ARHGEF40: variants seen among roughly 807,000 people sequenced by gnomAD.
ARHGEF40 encodes Rho guanine nucleotide exchange factor (GEF) 40.
A neutral mutation model predicts 165.9 loss-of-function variants in ARHGEF40; 98 were observed. The observed-to-expected ratio is 0.59, with a 90% confidence interval of 0.50 to 0.70. ARHGEF40 has a LOEUF of 0.70. Ranked by LOEUF, ARHGEF40 falls within the 30% of genes least tolerant of loss-of-function variation. ARHGEF40 has a pLI of 0.00. For missense variants in ARHGEF40, 1,815 were observed against 1,968.0 expected (o/e 0.92, Z 1.47); for synonymous variants, 792 against 814.3 (o/e 0.97, Z 0.47).
intron 17 of ARHGEF40, among the ~76,000 whole-genome samples, chr14:21,084,460 C>A (rs1201810473): frequency 6.6e-6 from 1 of 152,322 alleles, no homozygotes. Flanking sequence ...CCTTTCAGTT[C>A]TTTGCTGATT....
At position 21,090,162 on chromosome 14, in the gene ARHGEF40, G is replaced by A. The variant is rs750433784; in HGVS notation, c.*1154G>A. The A allele has an allele frequency of 2.0e-6, 1 of 503,248 alleles. No homozygotes were observed. The highest frequency in any genetic ancestry group is 3.9e-6 in the Non-Finnish European group (1 of 259,278). The allele number at this position is 503,248 out of a possible 1,614,324, so 31.2% of individuals were successfully genotyped here. On this transcript the variant is annotated 3_prime_UTR_variant, in exon 24 of 24. Coordinates refer to ENST00000298694, the MANE Select transcript of ARHGEF40 (RefSeq NM_018071.5). The surrounding 1 kb of genome is among the most constrained non-coding windows in gnomAD (Gnocchi z 4.4). Reference sequence around the variant, plus strand: ...CGTACCAAAAATAGCGACGTCTACAGGGCCCCTGATGGGGCTAGAAGGGTA... The same window carrying A: ...CGTACCAAAAATAGCGACGTCTACAAGGCCCCTGATGGGGCTAGAAGGGTA...
At chr14:21,086,662 T>A (rs1888358072) in intron 19 of ARHGEF40, 1 of 241,928 alleles carries the variant, frequency 4.1e-6, no homozygotes, top group African/African-American at 2.2e-5. Context: ...TTGTAAACTG[T>A]AAAGGTATGT....
At chr14:21,069,723 C>CG (rs917360043), upstream of ARHGEF40, among the ~76,000 whole-genome samples, 5 of 152,056 alleles carry the variant, frequency 3.3e-5, no homozygotes, top group South Asian at 6.2e-4. Context: ...GGCAAGCCCC[C>CG]GGGGGGTTGG....
At chr14:21,086,070 T>G in intron 19 of ARHGEF40, 4 of 658,404 alleles carry the variant, frequency 6.1e-6, no homozygotes, top group East Asian at 6.5e-5. Flanking sequence ...GCTGGCAAAT[T>G]TCCGGGAAGC....
chr14:21,062,369 G>A, the ARHGEF40 span, among the ~76,000 whole-genome samples: 3 of 152,190 alleles, frequency 2.0e-5, no homozygotes, highest in Admixed American at 1.3e-4. Context: ...GCATGCGACT[G>A]GCAGTGGAGC....
chr14:21,086,689 G>T (rs116864545), intron 19 of ARHGEF40: 9,727 of 290,786 alleles, frequency 0.033, 201 homozygotes, highest in South Asian at 0.054. Flanking sequence ...GTGAGGGTTT[G>T]TTTTTTGTGT....
intron 17 of ARHGEF40, 41 bp downstream of exon 17, chr14:21,084,091 G>T: frequency 6.5e-7 from 1 of 1,544,780 alleles, no homozygotes; most frequent in Non-Finnish European, 8.8e-7. Context: ...AAACTGCCCA[G>T]CCCTGGCCTC....
chr14:21,067,279 T>A (rs1352575071), upstream of ARHGEF40, among the ~76,000 whole-genome samples: 1 of 65,578 alleles, frequency 1.5e-5, no homozygotes, highest in Non-Finnish European at 4.2e-5. Flanking sequence ...TAGAAAAAGG[T>A]AGGTTTTTTT....
rs150936514 is a variant in ARHGEF40 at position 21,085,753 on chromosome 14, G to A, written c.4025G>A (p.Arg1342Gln). The change falls in exon 19 of 24, where the codon CGG (arginine) becomes CAG (glutamine). Residue 1342 changes from arginine (R) to glutamine (Q), a missense_variant. By Grantham distance (43) the Arg-to-Gln change is conservative. Coordinates refer to ENST00000298694, the MANE Select transcript of ARHGEF40 (RefSeq NM_018071.5). ...GGACTCTGCTTTGAGTTGTGGTTTC[G>A]GCGGCGGCGTGCACGAGAGGCATAC... The part of the protein sequence containing the change: ...DSGLCFELWF[R>Q]RRRAREAYTL... 70 of 1,614,178 alleles carry A rather than the reference G, an allele frequency of 4.3e-5. No homozygotes were observed. The highest frequency in any genetic ancestry group is 1.8e-4 in the Admixed American group (11 of 60,028).
chr14:21,082,392 C>T lies in ARHGEF40; in HGVS notation c.3400C>T (p.Arg1134Cys), dbSNP rs374900631. The T allele has an allele frequency of 3.0e-5, 49 of 1,611,538 alleles. No homozygotes were observed. Among genetic ancestry groups the T allele is most frequent in the African/African-American group, 6.7e-5 (5 of 74,934 alleles). ...TGCCCTGAGTGCCCGGGAAAGGCTT[C>T]GCAGCTTCCACCGGACACACTTTCT... is the stretch of plus-strand genomic sequence containing the variant. ...AAALSARERLRSFHRTHFLRE... is the reference protein window; with the variant it reads ...AAALSARERLCSFHRTHFLRE... Residue 1134 changes from arginine (R) to cysteine (C), a missense_variant, in exon 15 of 24, where the codon CGC becomes TGC. Arg to Cys is a radical substitution (Grantham distance 180). Transcript: ENST00000298694.
chr14:21,066,195 C>A (rs1427556451), upstream of ARHGEF40, among the ~76,000 whole-genome samples: 1 of 151,892 alleles, frequency 6.6e-6, no homozygotes, highest in African/African-American at 2.4e-5. Context: ...CACCACAGGG[C>A]TATGGTAAAA....
chr14:21,080,677 G>C lies in ARHGEF40; in HGVS notation c.2391G>C (p.Ser797=), dbSNP rs372535183. 36 of 1,610,772 alleles carry C rather than the reference G, an allele frequency of 2.2e-5. No homozygotes were observed. The highest frequency in any genetic ancestry group is 3.1e-5 in the Non-Finnish European group (36 of 1,179,080). Residue 797 remains serine (S), a synonymous_variant, in exon 12 of 24, where the codon TCG becomes TCC. Coordinates refer to ENST00000298694, the MANE Select transcript of ARHGEF40 (RefSeq NM_018071.5). ...RRLQQVLQWL[S]GPGEEQLASF... ...TGCCTCAGGTGTTGCAGTGGCTCTCGGGCCCAGGGGAGGAGCAGCTGGCAA... is the reference window on the plus strand; with the variant it reads ...TGCCTCAGGTGTTGCAGTGGCTCTCCGGCCCAGGGGAGGAGCAGCTGGCAA...
Position 21,076,903 on chromosome 14 carries a change from T to C in ARHGEF40, c.2034+13T>C. ...AGAGATACACCAGGTAAGCTTCCCCTCTACCACCTAGCATGCTGGGAGCCA... is the reference window on the plus strand; with the variant it reads ...AGAGATACACCAGGTAAGCTTCCCCCCTACCACCTAGCATGCTGGGAGCCA... On this transcript the variant is annotated intron_variant, in intron 8 of 23. Coordinates refer to ENST00000298694, the MANE Select transcript of ARHGEF40 (RefSeq NM_018071.5). 5 of 1,600,028 alleles carry C rather than the reference T, an allele frequency of 3.1e-6. No individual in the cohort carries two copies. Among genetic ancestry groups the C allele is most frequent in the Non-Finnish European group, 4.3e-6 (5 of 1,168,560 alleles).
At chr14:21,062,038 C>T in the ARHGEF40 span, among the ~76,000 whole-genome samples, 11 of 152,182 alleles carry the variant, frequency 7.2e-5, no homozygotes, top group East Asian at 1.9e-4. Flanking sequence ...ATCAAATAGT[C>T]GGTGAATACA....
At chr14:21,077,619 C>T (rs1265813515) in intron 8 of ARHGEF40, among the ~76,000 whole-genome samples, 1 of 152,198 alleles carries the variant, frequency 6.6e-6, no homozygotes, top group Non-Finnish European at 1.5e-5. Context: ...GCACCAACAT[C>T]CAGGCCTCAG....
intron 14 of ARHGEF40, 51 bp from the exon 15 acceptor site, chr14:21,082,193 G>T (rs1219617931): frequency 6.3e-7 from 1 of 1,575,512 alleles, no homozygotes; most frequent in Non-Finnish European, 8.6e-7. Flanking sequence ...ACATTGTTGG[G>T]GGTACTGGCT....
At position 21,087,346 on chromosome 14, in the gene ARHGEF40, G is replaced by A. The variant is rs376756793; in HGVS notation, c.4270G>A (p.Val1424Met). 9.7e-5 allele frequency: 156 copies of A among 1,606,518 alleles called. 1 individual carries two copies. The South Asian group carries it at 1.1e-3, about 11-fold the overall frequency. Reference sequence around the variant, plus strand: ...CGCCCGCACCCGGGCCTCCGTGGCCGTGTCATCCTTTGAGCATGCCGGCCC... The same window carrying A: ...CGCCCGCACCCGGGCCTCCGTGGCCATGTCATCCTTTGAGCATGCCGGCCC... ...RAARTRASVAVSSFEHAGPSL... is the reference protein window; with the variant it reads ...RAARTRASVAMSSFEHAGPSL... Residue 1424 changes from valine (V) to methionine (M), a missense_variant, in exon 21 of 24, where the codon GTG (valine) becomes ATG (methionine). Physicochemically the swap from Val to Met is conservative, Grantham distance 21. Transcript: ENST00000298694.
At chr14:21,084,188 A>T in intron 17 of ARHGEF40, 138 bp downstream of exon 17, 1 of 862,294 alleles carries the variant, frequency 1.2e-6, no homozygotes, top group Non-Finnish European at 1.7e-6. Flanking sequence ...GGTGGCCTTG[A>T]TTGAGTCACT....
chr14:21,079,101 T>C (rs1887668659), intron 11 of ARHGEF40, 91 bp downstream of exon 11: 1 of 1,492,602 alleles, frequency 6.7e-7, no homozygotes, highest in African/African-American at 1.4e-5. Context: ...ATGGTGTTCT[T>C]CTAGCCTGGC....
Sources: gnomAD v4.1 joint callset for allele counts (sites outside exome capture counted in the v4.1 genomes callset) on GRCh38, gnomAD v4.1.1 for gene constraint, Gnocchi (gnomAD v3.1) non-coding constraint, MANE v1.5 for transcripts, NCBI Gene and HGNC (gene_info 2026-07-23, HGNC 2026-07-21) for gene names.